Variants in NIPA2 observed in about 807,000 individuals in gnomAD.
NIPA2 encodes magnesium transporter NIPA2.
Under a neutral mutation model 29.7 loss-of-function variants are expected in NIPA2, and 11 were observed. The observed-to-expected ratio is 0.37, with a 90% CI of 0.23 to 0.61. The LOEUF is 0.61. Among genes scored for constraint, NIPA2 ranks in the 20% least tolerant of loss-of-function variants. NIPA2 has a pLI of 0.66. For synonymous variants in NIPA2, 183 were observed against 161.9 expected (o/e 1.13, Z -0.99); for missense variants, 426 against 437.9 (o/e 0.97, Z 0.24).
At chr15:22,860,143 C>T (rs1224483481) in intron 6 of NIPA2, among the ~76,000 whole-genome samples, 2 of 151,770 alleles carry the variant, frequency 1.3e-5, no homozygotes, top group Non-Finnish European at 1.5e-5. Flanking sequence ...CCCAGCCTCC[C>T]GAGTAGCTGG....
chr15:22,844,092 T>C (rs1263784195), intron 2 of NIPA2, among the ~76,000 whole-genome samples: 1 of 152,236 alleles, frequency 6.6e-6, no homozygotes, highest in African/African-American at 2.4e-5. Flanking sequence ...GTTTTCCTTA[T>C]TAGAATACTA....
chr15:22,857,440 C>CA (rs397693126), intron 5 of NIPA2, among the ~76,000 whole-genome samples: 56,956 of 131,514 alleles, frequency 0.43, 13,868 homozygotes, highest in African/African-American at 0.69. Flanking sequence ...GACTCTGTCT[C>CA]AAAAAAAAAA....
At chr15:22,848,540 A>T (rs1341839672) in intron 3 of NIPA2, among the ~76,000 whole-genome samples, 1 of 151,964 alleles carries the variant, frequency 6.6e-6, no homozygotes, top group Non-Finnish European at 1.5e-5. Flanking sequence ...GAATTATTCC[A>T]TTTGGCTGGG....
rs1259283568 is a variant in NIPA2, at chr15:22,838,781, A to C, written c.-492A>C. On this transcript the variant is annotated 5_prime_UTR_variant, in exon 1 of 8. Coordinates refer to ENST00000337451, the MANE Select transcript of NIPA2 (RefSeq NM_030922.7). Reference sequence around the variant, plus strand: ...GGCGGTGCGAACGGCTTCAGCCCCGAATGCTCGCATCTCCCACTGGACGGC... The same window carrying C: ...GGCGGTGCGAACGGCTTCAGCCCCGCATGCTCGCATCTCCCACTGGACGGC... 6.5e-6 allele frequency: 1 copy of C among 152,682 alleles called. No individual in the cohort carries two copies. 9.5% of individuals were successfully genotyped at this position (152,682 alleles called of 1,614,324 possible). A position where few individuals can be genotyped will look rare whatever the true frequency, so the allele number is the denominator to read the frequency against.
intron 2 of NIPA2, among the ~76,000 whole-genome samples, chr15:22,841,324 C>T (rs568043566): frequency 1.3e-5 from 2 of 152,146 alleles, no homozygotes; most frequent in East Asian, 3.8e-4. Flanking sequence ...ATTAGAGCAT[C>T]CTTAAACATT....
chr15:22,861,324 C>G (rs1326579587), intron 7 of NIPA2, among the ~76,000 whole-genome samples: 1 of 152,122 alleles, frequency 6.6e-6, no homozygotes, highest in Non-Finnish European at 1.5e-5. Flanking sequence ...TTCTGTGTGG[C>G]CTCAATCTAG....
chr15:22,867,971 T>TAAA lies in NIPA2; in HGVS notation c.*1130_*1132dup, dbSNP rs34540470. ...CCACTCATAACCATTGACTGGCCTTTAAAAAAAAGTATTGGCAGAATTAAT... is the reference window on the plus strand; with the variant it reads ...CCACTCATAACCATTGACTGGCCTTTAAAAAAAAAAAGTATTGGCAGAATTAAT... On this transcript the variant is annotated 3_prime_UTR_variant, in exon 8 of 8. Coordinates refer to ENST00000337451, the MANE Select transcript of NIPA2 (RefSeq NM_030922.7). 5.3e-5 allele frequency: 8 copies of TAAA among 152,222 alleles called. No individual in the cohort carries two copies. Among genetic ancestry groups the TAAA allele is most frequent in the African/African-American group, 1.7e-4 (7 of 41,530 alleles). 9.4% of individuals were successfully genotyped at this position (152,222 alleles called of 1,614,324 possible).
intron 6 of NIPA2, among the ~76,000 whole-genome samples, chr15:22,859,594 T>C (rs892950217): frequency 6.6e-6 from 1 of 152,068 alleles, no homozygotes; most frequent in Non-Finnish European, 1.5e-5. Flanking sequence ...GCCCGGCCAA[T>C]GAGTAGATTT....
chr15:22,845,486 T>G (rs567699374), intron 3 of NIPA2, among the ~76,000 whole-genome samples: 1 of 152,372 alleles, frequency 6.6e-6, no homozygotes, highest in Non-Finnish European at 1.5e-5. Flanking sequence ...TGAGTGCCTT[T>G]TGTGGGGAAA....
chr15:22,841,803 G>C (rs918732260), intron 2 of NIPA2, among the ~76,000 whole-genome samples: 1 of 152,128 alleles, frequency 6.6e-6, no homozygotes, highest in East Asian at 1.9e-4. Flanking sequence ...CACCGCGCCC[G>C]GCCGGACACT....
chr15:22,838,987 C>T (rs1197385356), intron 1 of NIPA2, 66 bp downstream of exon 1: 2 of 152,132 alleles, frequency 1.3e-5, no homozygotes, highest in South Asian at 2.1e-4. Flanking sequence ...AGCCAGCCCG[C>T]CTTGTGTCGG....
At chr15:22,846,032 A>C (rs1221929716) in intron 3 of NIPA2, among the ~76,000 whole-genome samples, 1 of 152,144 alleles carries the variant, frequency 6.6e-6, no homozygotes, top group Non-Finnish European at 1.5e-5. Context: ...TATTGTTTTA[A>C]TCACCTCTTC....
intron 7 of NIPA2, among the ~76,000 whole-genome samples, chr15:22,862,199 C>T (rs1435384628): frequency 6.6e-6 from 1 of 151,836 alleles, no homozygotes; most frequent in African/African-American, 2.4e-5. Context: ...AGGCGCCCAC[C>T]ACCACGCCCA....
chr15:22,852,838 G>A (rs1244585065), intron 4 of NIPA2, among the ~76,000 whole-genome samples: 1 of 152,134 alleles, frequency 6.6e-6, no homozygotes, highest in Non-Finnish European at 1.5e-5. Context: ...GCAGGAAACA[G>A]TACCACCCTT....
intron 3 of NIPA2, among the ~76,000 whole-genome samples, chr15:22,846,803 G>A (rs1898770200): frequency 7.1e-6 from 1 of 140,030 alleles, no homozygotes; most frequent in Admixed American, 7.5e-5. Flanking sequence ...GTGACAGAAT[G>A]AGACCCTGTC....
chr15:22,864,872 C>T (rs995377381), intron 7 of NIPA2, among the ~76,000 whole-genome samples: 1 of 151,918 alleles, frequency 6.6e-6, no homozygotes, highest in African/African-American at 2.4e-5. Flanking sequence ...TCGGTCCTCT[C>T]TTTTTTCTTG....
chr15:22,858,311 G>A (rs925711856), intron 5 of NIPA2, among the ~76,000 whole-genome samples: 2 of 151,842 alleles, frequency 1.3e-5, no homozygotes, highest in East Asian at 1.9e-4. Context: ...GGAGAATGGC[G>A]TGAACCCGGG....
chr15:22,845,934 A>G (rs947823549), intron 3 of NIPA2, among the ~76,000 whole-genome samples: 2 of 152,214 alleles, frequency 1.3e-5, no homozygotes, highest in South Asian at 2.1e-4. Flanking sequence ...TAAAATAAAT[A>G]TGGAGAAAAT....
intron 4 of NIPA2, 68 bp downstream of exon 4, chr15:22,851,938 A>C: frequency 7.5e-7 from 1 of 1,332,792 alleles, no homozygotes; most frequent in East Asian, 2.3e-5. Context: ...TTCTTTGTAC[A>C]AGACCACATC....
Sources: gnomAD v4.1 joint callset for allele counts (sites outside exome capture counted in the v4.1 genomes callset) on GRCh38, gnomAD v4.1.1 for gene constraint, MANE v1.5 for transcripts, NCBI Gene and HGNC (gene_info 2026-07-23, HGNC 2026-07-21) for gene names.